The following FIS1 variants were observed in gnomAD, a reference collection of about 807,000 sequenced individuals.
FIS1 encodes mitochondrial fission 1 protein.
A neutral mutation model predicts 21.6 loss-of-function variants in FIS1; 16 were observed. The ratio of observed to expected loss-of-function variants is 0.74; its 90% confidence interval spans 0.50 to 1.12. The LOEUF is 1.12. FIS1 is among the 50% of genes most tolerant of loss of function. FIS1 has a pLI of 0.00. For missense variants in FIS1, 198 were observed against 190.9 expected (o/e 1.04, Z -0.22); for synonymous variants, 92 against 82.2 (o/e 1.12, Z -0.65).
chr7:101,239,925 G>A (rs1798714535), intron 4 of FIS1, 22 bp from the exon 5 acceptor site: 1 of 1,577,712 alleles, frequency 6.3e-7, no homozygotes, highest in Non-Finnish European at 8.6e-7. Context: ...AAGGGACAGT[G>A]TCAGGAGCCC....
Position 101,239,610 on chromosome 7 carries a change from G to A in FIS1, c.*196C>T, listed in dbSNP as rs1798705072. The A allele has an allele frequency of 1.5e-6, 1 of 646,612 alleles. No homozygotes were observed. The highest frequency in any genetic ancestry group is 2.8e-6 in the Non-Finnish European group (1 of 352,690). The allele number at this position is 646,612 out of a possible 1,614,324, so 40.1% of individuals were successfully genotyped here. A position where few individuals can be genotyped will look rare whatever the true frequency, so the allele number is the denominator to read the frequency against. The stretch of plus-strand genomic sequence containing the variant: ...CCCCTCCCCTCAACGCAGACACGGG[G>A]GTTCCCAAGCCACAGCCCCGTTTTA... On this transcript the variant is annotated 3_prime_UTR_variant, in exon 5 of 5. Coordinates refer to ENST00000223136, the MANE Select transcript of FIS1 (RefSeq NM_016068.3).
intron 2 of FIS1, among the ~76,000 whole-genome samples, chr7:101,242,454 T>A (rs1393093056): frequency 4.6e-5 from 7 of 152,082 alleles, no homozygotes; most frequent in African/African-American, 1.7e-4. Flanking sequence ...GTAAAATTAT[T>A]TGTATCTTTT....
At chr7:101,243,847 T>C (rs1268570452) in intron 2 of FIS1, among the ~76,000 whole-genome samples, 160 bp downstream of exon 2, 1 of 152,152 alleles carries the variant, frequency 6.6e-6, no homozygotes, top group Non-Finnish European at 1.5e-5. Context: ...AAAACAATGG[T>C]GGGCGGTAAG....
At chr7:101,243,421 C>A (rs1345757389) in intron 2 of FIS1, among the ~76,000 whole-genome samples, 1 of 152,080 alleles carries the variant, frequency 6.6e-6, no homozygotes, top group Non-Finnish European at 1.5e-5. Context: ...ACAAAAAATA[C>A]AAAAATTAGC....
At position 101,239,818 on chromosome 7, in the gene FIS1, C is replaced by T. The variant is rs775750414; in HGVS notation, c.447G>A (p.Lys149=). The T allele has an allele frequency of 7.1e-5, 114 of 1,596,248 alleles. No homozygotes were observed. Among genetic ancestry groups the T allele is most frequent in the Non-Finnish European group, 2.3e-5 (27 of 1,171,224 alleles). Residue 149 remains lysine, a synonymous_variant, in exon 5 of 5, where the codon AAG becomes AAA. Coordinates refer to ENST00000223136, the MANE Select transcript of FIS1 (RefSeq NM_016068.3). ...LAGLIGLAVS[K]SKS ...TCCCGCGTCTCCTTCAGGATTTGGA[C>T]TTGGACACAGCAAGTCCGATGAGTC...
In FIS1 at chr7:101,244,917, G is replaced by A. The variant is rs774246698; in HGVS notation, c.45+43C>T. The A allele has an allele frequency of 6.2e-6, 10 of 1,611,866 alleles. No homozygotes were observed. In the Admixed American group the frequency reaches 8.3e-5, roughly 13 times the overall value. ...CCCTACCTGACTCTCCTCAGGACCC[G>A]CCCTCCGACCTTCCCTTTCCCTCTG... On this transcript the variant is annotated intron_variant, in intron 1 of 4. Transcript: ENST00000223136.
chr7:101,239,843 C>A lies in FIS1; in HGVS notation c.422G>T (p.Gly141Val). 6.3e-7 allele frequency: 1 copy of A among 1,595,256 alleles called. No individual in the cohort carries two copies. The highest frequency in any genetic ancestry group is 8.5e-7 in the Non-Finnish European group (1 of 1,170,664). The change falls in exon 5 of 5, where the codon GGA becomes GTA. Residue 141 changes from glycine to valine, a missense_variant. Physicochemically the swap from Gly to Val is moderately radical, Grantham distance 109 (BLOSUM62 -3). Transcript: ENST00000223136. ...CTTGGACACAGCAAGTCCGATGAGTCCGGCCAGTCCCGCCACACCCAGGGC... is the reference window on the plus strand; with the variant it reads ...CTTGGACACAGCAAGTCCGATGAGTACGGCCAGTCCCGCCACACCCAGGGC... The part of the protein sequence containing the change: ...GMALGVAGLA[G>V]LIGLAVSKSK...
chr7:101,242,013 T>A (rs1173765152), intron 2 of FIS1, among the ~76,000 whole-genome samples: 2 of 151,876 alleles, frequency 1.3e-5, no homozygotes, highest in Non-Finnish European at 2.9e-5. Context: ...TGTCCATGGC[T>A]CACTGCAGCC....
intron 2 of FIS1, chr7:101,241,560 C>T (rs904132128): frequency 6.6e-6 from 1 of 151,046 alleles, no homozygotes; most frequent in African/African-American, 2.4e-5. Context: ...GGACTCCCTC[C>T]CCCTTTAAAA....
Position 101,241,029 on chromosome 7 carries a change from A to C in FIS1, c.179-123T>G, listed in dbSNP as rs184772721. ...TGATCCTGGGAGGGTCACAGTCCTA[A>C]GCCTCCCTTTCAGCTCCAGTCACTC... On this transcript the variant is annotated intron_variant, in intron 2 of 4. Transcript: ENST00000223136. 792 of 932,062 alleles carry C rather than the reference A, an allele frequency of 8.5e-4. 1 individual carries two copies. In the African/African-American group the frequency reaches 0.011, roughly 13 times the overall value. The allele number at this position is 932,062 out of a possible 1,614,324, so 57.7% of individuals were successfully genotyped here.
chr7:101,244,544 A>T (rs1203475173), intron 1 of FIS1: 1 of 341,246 alleles, frequency 2.9e-6, no homozygotes. Flanking sequence ...CCAGGAATAG[A>T]AGTAGTGCCT....
intron 2 of FIS1, among the ~76,000 whole-genome samples, chr7:101,241,345 C>A (rs985142576): frequency 6.6e-6 from 1 of 152,024 alleles, no homozygotes; most frequent in African/African-American, 2.4e-5. Context: ...CTCGGTTTCC[C>A]GAGCAGCTGG....
rs763087792 is a variant in FIS1 at position 101,244,084 on chromosome 7, G to A, written c.101C>T (p.Thr34Met). The A allele has an allele frequency of 1.2e-6, 2 of 1,614,130 alleles. No individual in the cohort carries two copies. Among genetic ancestry groups the A allele is most frequent in the East Asian group, 4.5e-5 (2 of 44,882 alleles). Residue 34 changes from threonine to methionine, a missense_variant, in exon 2 of 5, where the codon ACG becomes ATG. Coordinates refer to ENST00000223136, the MANE Select transcript of FIS1 (RefSeq NM_016068.3). ...CAGGCACCAGGCGTACTCAAACTGC[G>A]TGCTCTTGGACACCGAGCCTGCTGC... ...EKAAGSVSKS[T>M]QFEYAWCLVR...
At chr7:101,240,018 A>G in intron 4 of FIS1, 115 bp from the exon 5 acceptor site, 1 of 1,407,192 alleles carries the variant, frequency 7.1e-7, no homozygotes, top group South Asian at 1.2e-5. Flanking sequence ...GTCGCAGGGC[A>G]AGGGGCTCTA....
chr7:101,243,816 A>T (rs1275606960), intron 2 of FIS1, among the ~76,000 whole-genome samples, 191 bp downstream of exon 2: 2 of 152,182 alleles, frequency 1.3e-5, no homozygotes, highest in Non-Finnish European at 1.5e-5. Flanking sequence ...GGGGGAACTG[A>T]CATGCTACAC....
At position 101,239,572 on chromosome 7, in the gene FIS1, C is replaced by G; in HGVS notation, c.*234G>C. 6 of 591,216 alleles carry G rather than the reference C, an allele frequency of 1.0e-5. No individual in the cohort carries two copies. The highest frequency in any genetic ancestry group is 1.9e-5 in the Non-Finnish European group (6 of 322,082). The allele number at this position is 591,216 out of a possible 1,614,324, so 36.6% of individuals were successfully genotyped here. A position where few individuals can be genotyped will look rare whatever the true frequency, so the allele number is the denominator to read the frequency against. ...TGACGTCTCCGCCCCCTGTGCCCAG[C>G]GTTCAGAACCCACCCCTCCCCTCAA... On this transcript the variant is annotated 3_prime_UTR_variant, in exon 5 of 5. Coordinates refer to ENST00000223136, the MANE Select transcript of FIS1 (RefSeq NM_016068.3).
At chr7:101,242,877 GA>G (rs909187186) in intron 2 of FIS1, among the ~76,000 whole-genome samples, 518 of 138,988 alleles carry the variant, frequency 3.7e-3, no homozygotes, top group African/African-American at 0.012. Flanking sequence ...AAAATACTCA[GA>G]AAAAAAAAAA....
chr7:101,244,965 G>T lies in FIS1; in HGVS notation c.40C>A (p.Leu14Met), dbSNP rs756438053. 1 of 1,614,088 alleles carries T rather than the reference G, an allele frequency of 6.2e-7. No individual in the cohort carries two copies. The highest frequency in any genetic ancestry group is 1.7e-5 in the Admixed American group (1 of 60,008). Residue 14 changes from leucine (L) to methionine (M), a missense_variant, in exon 1 of 5, where the codon CTG (leucine) becomes ATG (methionine). Transcript: ENST00000223136. ...CTGTCCGGGCCAGGCCTCACCAGCA[G>T]GTCCTCCACAGACACCAGCTCGTTC... is the stretch of plus-strand genomic sequence containing the variant. ...VLNELVSVEDLLKFEKKFQSE... is the reference protein window; with the variant it reads ...VLNELVSVEDMLKFEKKFQSE...
chr7:101,240,443 C>T (rs952975598), intron 3 of FIS1, among the ~76,000 whole-genome samples, 196 bp from the exon 4 acceptor site: 20 of 152,166 alleles, frequency 1.3e-4, no homozygotes, highest in Admixed American at 1.1e-3. Context: ...GGATTACAGG[C>T]GTGAGCCACT....
Sources: allele counts gnomAD v4.1 joint callset (sites outside exome capture counted in the v4.1 genomes callset), GRCh38; gene constraint gnomAD v4.1.1; transcripts MANE v1.5; gene names NCBI Gene and HGNC (gene_info 2026-07-23, HGNC 2026-07-21).